The following GSTA3 variants were observed in gnomAD, a reference collection of about 807,000 sequenced individuals.
GSTA3 encodes glutathione S-transferase alpha 3.
GSTA3 carries 16 observed loss-of-function variants against 23.1 expected under a neutral mutation model. The observed-to-expected ratio is 0.69, with a 90% CI of 0.47 to 1.05. The LOEUF (loss-of-function observed/expected upper bound fraction) is 1.05. Among genes scored for constraint, GSTA3 ranks in the 50% least tolerant of loss-of-function variants. The pLI is 0.00. For missense variants in GSTA3, 319 were observed against 263.6 expected, an observed-to-expected ratio of 1.21 and a Z score of -1.46; for synonymous variants, 122 against 91.0, an observed-to-expected ratio of 1.34 and a Z score of -1.94.
intron 1 of GSTA3, among the ~76,000 whole-genome samples, chr6:52,908,632 C>T (rs1344401710): frequency 6.6e-6 from 1 of 152,168 alleles, no homozygotes; most frequent in Non-Finnish European, 1.5e-5. Flanking sequence ...ACCAAACTCT[C>T]CCACATAGTA....
At chr6:52,907,280 C>T (rs1765922065) in intron 1 of GSTA3, among the ~76,000 whole-genome samples, 1 of 116,984 alleles carries the variant, frequency 8.5e-6, no homozygotes, top group Non-Finnish European at 1.7e-5. Flanking sequence ...GAGATACCAT[C>T]TCACACCAGT....
At chr6:52,900,114 G>C (rs1338305590) in intron 4 of GSTA3, 39 bp from the exon 5 acceptor site, 1 of 1,566,284 alleles carries the variant, frequency 6.4e-7, no homozygotes, top group Non-Finnish European at 8.6e-7. Flanking sequence ...AATGCCTCTT[G>C]CCTTAGATTT....
rs1233123219 is a variant in GSTA3, at chr6:52,896,822, T to C, written c.653A>G (p.Lys218Arg). Reference protein sequence around the residue: ...ADAKALEEARKIFRF With the variant: ...ADAKALEEARRIFRF ...GCTGCTTTATTAAAACCTGAAAATC[T>C]TTCTGGCTTCTTCTAAAGCTTTTGC... Residue 218 changes from lysine (K) to arginine (R), a missense_variant, in exon 7 of 7, where the codon AAG becomes AGG. By Grantham distance (26) the Lys-to-Arg change is conservative. Coordinates refer to ENST00000211122, the MANE Select transcript of GSTA3 (RefSeq NM_000847.5). 1 of 1,614,092 alleles carries C rather than the reference T, an allele frequency of 6.2e-7. No homozygotes were observed. The highest frequency in any genetic ancestry group is 8.5e-7 in the Non-Finnish European group (1 of 1,179,940).
At chr6:52,902,666 C>A (rs761608364) in intron 3 of GSTA3, among the ~76,000 whole-genome samples, 188 bp from the exon 4 acceptor site, 2 of 152,142 alleles carry the variant, frequency 1.3e-5, no homozygotes, top group Non-Finnish European at 1.5e-5. Context: ...ATTCCTTTGA[C>A]CTTTTAGCCT....
chr6:52,902,594 G>A (rs1765728868), intron 3 of GSTA3, 116 bp from the exon 4 acceptor site: 11 of 1,086,704 alleles, frequency 1.0e-5, no homozygotes, highest in Non-Finnish European at 1.5e-5. Context: ...ATTATTGCCT[G>A]CTAACCTCAA....
At chr6:52,906,296 G>A (rs1765887444) in intron 1 of GSTA3, among the ~76,000 whole-genome samples, 1 of 152,138 alleles carries the variant, frequency 6.6e-6, no homozygotes, top group African/African-American at 2.4e-5. Context: ...GAAAGTATGT[G>A]CAATTTGCCA....
intron 1 of GSTA3, among the ~76,000 whole-genome samples, chr6:52,907,296 T>A (rs1290552493): frequency 8.3e-6 from 1 of 119,866 alleles, no homozygotes; most frequent in Non-Finnish European, 1.7e-5. Flanking sequence ...CCAGTTAGAA[T>A]GGCAATCATT....
At chr6:52,903,804 C>T in intron 2 of GSTA3, 77 bp from the exon 3 acceptor site, 2 of 787,058 alleles carry the variant, frequency 2.5e-6, no homozygotes, top group Non-Finnish European at 4.4e-6. Context: ...GAATGGCCTC[C>T]ATCTGGTACA....
Position 52,909,685 on chromosome 6 carries a change from C to T in GSTA3, c.-66G>A, listed in dbSNP as rs1766005317. The stretch of plus-strand genomic sequence containing the variant: ...TCTCCGCTCAGCTTCTCAAGGCCAC[C>T]TCCTGATGTGTATGTTAGCTGTTTT... On this transcript the variant is annotated 5_prime_UTR_variant, in exon 1 of 7. Coordinates refer to ENST00000211122, the MANE Select transcript of GSTA3 (RefSeq NM_000847.5). 6.6e-6 allele frequency: 1 copy of T among 152,150 alleles called. No individual in the cohort carries two copies. The highest frequency in any genetic ancestry group is 1.5e-5 in the Non-Finnish European group (1 of 68,034). 9.4% of individuals were successfully genotyped at this position (152,150 alleles called of 1,614,324 possible).
chr6:52,900,549 A>G (rs953101620), intron 4 of GSTA3, among the ~76,000 whole-genome samples: 3 of 152,160 alleles, frequency 2.0e-5, no homozygotes, highest in African/African-American at 7.2e-5. Flanking sequence ...GGGGTGAGCC[A>G]CCATGCCTGG....
At chr6:52,898,096 T>A (rs1304692600) in intron 5 of GSTA3, 140 bp from the exon 6 acceptor site, 2 of 930,278 alleles carry the variant, frequency 2.1e-6, no homozygotes, top group Non-Finnish European at 3.4e-6. Flanking sequence ...TTTGTTTATG[T>A]TCCCTGATTG....
At chr6:52,896,992 C>A in intron 6 of GSTA3, 64 bp from the exon 7 acceptor site, 3 of 1,600,598 alleles carry the variant, frequency 1.9e-6, no homozygotes, top group Non-Finnish European at 2.6e-6. Context: ...TAATACCACC[C>A]AGGGAATTTG....
At chr6:52,900,141 C>A in intron 4 of GSTA3, 66 bp from the exon 5 acceptor site, 1 of 1,428,548 alleles carries the variant, frequency 7.0e-7, no homozygotes, top group Non-Finnish European at 9.5e-7. Context: ...TTTATAAAAA[C>A]CTAAGAGAAT....
At position 52,899,934 on chromosome 6, in the gene GSTA3, T is replaced by C. The variant is rs765231739; in HGVS notation, c.414A>G (p.Lys138=). Residue 138 remains lysine, a splice_region_variant and synonymous_variant, in exon 5 of 7, where the codon AAA becomes AAG. Transcript: ENST00000211122. ...TKSRYFPAFE[K]VLQSHGQDYL... ...CAAAATGCTGAACAGCTTCACCTAC[T>C]TTTTCGAAGGCAGGGAAATAGCGAC... is the stretch of plus-strand genomic sequence containing the variant. The C allele has an allele frequency of 5.0e-6, 8 of 1,613,816 alleles. No individual in the cohort carries two copies. The East Asian group carries it at 1.8e-4, about 36-fold the overall frequency.
intron 3 of GSTA3, 64 bp downstream of exon 3, chr6:52,903,612 A>C (rs1765775683): frequency 2.3e-6 from 2 of 871,580 alleles, no homozygotes; most frequent in East Asian, 2.6e-5. Flanking sequence ...AAAAAAAATC[A>C]ATCTTCAGCG....
At chr6:52,901,986 C>T (rs182807770) in intron 4 of GSTA3, among the ~76,000 whole-genome samples, 455 of 152,330 alleles carry the variant, frequency 3.0e-3, no homozygotes, top group South Asian at 6.7e-3. Context: ...CATCTACAGA[C>T]TCTCAAACAT....
chr6:52,902,303 C>T (rs2127359218), intron 4 of GSTA3, 43 bp downstream of exon 4: 1 of 1,609,322 alleles, frequency 6.2e-7, no homozygotes, highest in Non-Finnish European at 8.5e-7. Flanking sequence ...ACCTAAATCA[C>T]TCTGTGTTCT....
intron 3 of GSTA3, 58 bp downstream of exon 3, chr6:52,903,618 C>A: frequency 1.1e-6 from 1 of 885,824 alleles, no homozygotes; most frequent in Non-Finnish European, 1.8e-6. Context: ...AATCAATCTT[C>A]AGCGGTACCT....
At chr6:52,902,546 G>A in intron 3 of GSTA3, 68 bp from the exon 4 acceptor site, 1 of 1,469,524 alleles carries the variant, frequency 6.8e-7, no homozygotes, top group Non-Finnish European at 9.3e-7. Flanking sequence ...GAAGAAAAAT[G>A]ATGGTTGAAA....
Sources: gnomAD v4.1 joint callset for allele counts (sites outside exome capture counted in the v4.1 genomes callset) on GRCh38, gnomAD v4.1.1 for gene constraint, MANE v1.5 for transcripts, NCBI Gene and HGNC (gene_info 2026-07-23, HGNC 2026-07-21) for gene names.